SHROOM2: variants seen among roughly 807,000 people sequenced by gnomAD.
SHROOM2 encodes the protein shroom family member 2.
A neutral mutation model predicts 75.9 loss-of-function variants in SHROOM2; 33 were observed. That is an observed-to-expected ratio of 0.43 (90% confidence interval 0.33 to 0.58). The LOEUF (loss-of-function observed/expected upper bound fraction) is 0.58. Among genes scored for constraint, SHROOM2 ranks in the 20% least tolerant of loss-of-function variants. The pLI is 0.04. For synonymous variants in SHROOM2, 655 were observed against 663.6 expected, an observed-to-expected ratio of 0.99 and a Z score of 0.20; for missense variants, 1,434 against 1,461.2, an observed-to-expected ratio of 0.98 and a Z score of 0.30.
intron 1 of SHROOM2, among the ~76,000 whole-genome samples, chrX:9,851,251 C>T (rs1305772606): frequency 4.5e-5 from 5 of 110,950 alleles, no homozygotes; most frequent in Non-Finnish European, 7.6e-5. Context: ...TCAAGCAGTC[C>T]TCCTGCCTTG....
chrX:9,913,645 A>C (rs1263706335), intron 5 of SHROOM2, among the ~76,000 whole-genome samples: 1 of 112,180 alleles, frequency 8.9e-6, no homozygotes, highest in Non-Finnish European at 1.9e-5. Flanking sequence ...TTACTGACTC[A>C]CAAGAGTAGG....
intron 1 of SHROOM2, among the ~76,000 whole-genome samples, chrX:9,819,987 G>A (rs1449558631): frequency 1.8e-5 from 2 of 108,454 alleles, no homozygotes; most frequent in Non-Finnish European, 3.8e-5. Flanking sequence ...TTTTAGTAGA[G>A]ATGGGGTTTC....
At chrX:9,839,308 G>A in intron 1 of SHROOM2, among the ~76,000 whole-genome samples, 2 of 111,519 alleles carry the variant, frequency 1.8e-5, no homozygotes, top group Admixed American at 1.9e-4. Context: ...CCTCTGTGGT[G>A]TGGGTGCATT....
chrX:9,842,466 G>A (rs1394373353), intron 1 of SHROOM2, among the ~76,000 whole-genome samples: 1 of 112,165 alleles, frequency 8.9e-6, no homozygotes, highest in Non-Finnish European at 1.9e-5. Context: ...ACCTGCCCTG[G>A]TGTCCTTGGG....
chrX:9,898,342 T>TC, intron 5 of SHROOM2, 52 bp downstream of exon 5: 1 of 935,493 alleles, frequency 1.1e-6, no homozygotes, highest in Non-Finnish European at 1.5e-6. Flanking sequence ...AGGGTGGGCT[T>TC]CTGTACGATG....
At chrX:9,904,555 A>G (rs2084381510) in intron 5 of SHROOM2, among the ~76,000 whole-genome samples, 1 of 111,103 alleles carries the variant, frequency 9.0e-6, no homozygotes, top group African/African-American at 3.3e-5. Flanking sequence ...CTCTTGGGGG[A>G]GAGACTCCCG....
rs58508176 is a variant in SHROOM2 at position 9,799,157 on chromosome X, C to CTTTTTTTTTTT, written c.165+12465_165+12475dup. ...GTTTGCCTTTACGGAGAGTTTAATTCTTTTTTTTTTTTTTTTTTTTTTTTT... is the reference window on the plus strand; with the variant it reads ...GTTTGCCTTTACGGAGAGTTTAATTCTTTTTTTTTTTTTTTTTTTTTTTTTTTTTTTTTTTT... On this transcript the variant is annotated intron_variant, in intron 1 of 9. Transcript: ENST00000380913. Among the ~76,000 whole-genome samples, 12 of 61,377 alleles carry CTTTTTTTTTTT rather than the reference C, an allele frequency of 2.0e-4. 3 individuals carry two copies. The highest frequency in any genetic ancestry group is 1.1e-3 in the African/African-American group (12 of 11,338). 53.3% of individuals were successfully genotyped at this position (61,377 alleles called of 115,157 possible).
intron 1 of SHROOM2, among the ~76,000 whole-genome samples, chrX:9,868,392 C>T (rs1191158436): frequency 2.7e-5 from 3 of 109,133 alleles, no homozygotes; most frequent in African/African-American, 3.3e-5. Flanking sequence ...ATTACAGGAG[C>T]GTGCCACCAA....
intron 1 of SHROOM2, among the ~76,000 whole-genome samples, chrX:9,859,342 A>G (rs916767345): frequency 8.9e-6 from 1 of 112,727 alleles, no homozygotes. Flanking sequence ...CATCCTCTCC[A>G]GAAACATTGC....
At chrX:9,807,881 A>G (rs190239176) in intron 1 of SHROOM2, among the ~76,000 whole-genome samples, 1 of 111,207 alleles carries the variant, frequency 9.0e-6, no homozygotes, top group Admixed American at 9.6e-5. Context: ...GTCTCTTTTT[A>G]AGGTTCAATG....
chrX:9,935,203 A>T (rs1281139178), intron 6 of SHROOM2, among the ~76,000 whole-genome samples: 2 of 111,404 alleles, frequency 1.8e-5, no homozygotes, highest in Non-Finnish European at 3.8e-5. Flanking sequence ...AGTCAGTAAT[A>T]GGCAAGCAGA....
At chrX:9,936,684 G>T (rs1047234627) in intron 6 of SHROOM2, among the ~76,000 whole-genome samples, 1 of 111,678 alleles carries the variant, frequency 9.0e-6, no homozygotes, top group Non-Finnish European at 1.9e-5. Context: ...TGAGAACTAC[G>T]CAGGAACCCG....
At chrX:9,844,707 C>T (rs1467989403) in intron 1 of SHROOM2, among the ~76,000 whole-genome samples, 2 of 109,200 alleles carry the variant, frequency 1.8e-5, no homozygotes, top group Non-Finnish European at 3.8e-5. Flanking sequence ...CCCAGCTATT[C>T]GGGAGGCTGA....
chrX:9,859,780 C>T (rs911582629), intron 1 of SHROOM2, among the ~76,000 whole-genome samples: 4 of 111,491 alleles, frequency 3.6e-5, no homozygotes, highest in Non-Finnish European at 7.5e-5. Context: ...GCTTGTTTTA[C>T]ATGGTGGTGA....
chrX:9,911,639 A>C (rs947386604), intron 5 of SHROOM2, among the ~76,000 whole-genome samples: 1 of 110,935 alleles, frequency 9.0e-6, no homozygotes, highest in Non-Finnish European at 1.9e-5. Context: ...AGGGACTTTA[A>C]ATAGAGATCA....
chrX:9,858,882 C>T, intron 1 of SHROOM2, among the ~76,000 whole-genome samples: 1 of 111,405 alleles, frequency 9.0e-6, no homozygotes, highest in South Asian at 3.8e-4. Flanking sequence ...TGGAAGCCTG[C>T]TGGCGGTGCT....
intron 2 of SHROOM2, among the ~76,000 whole-genome samples, chrX:9,879,472 G>A (rs1012935783): frequency 1.8e-5 from 2 of 111,346 alleles, no homozygotes; most frequent in African/African-American, 6.5e-5. Context: ...TGTTGGCCAG[G>A]CTGGTCTTGA....
At chrX:9,882,472 G>A (rs115602948) in intron 2 of SHROOM2, among the ~76,000 whole-genome samples, 1,977 of 111,322 alleles carry the variant, frequency 0.018, 51 homozygotes, top group African/African-American at 0.061. Flanking sequence ...CAAGTGGTTT[G>A]GATACTGGGA....
At chrX:9,877,955 G>T (rs2084210285) in intron 2 of SHROOM2, among the ~76,000 whole-genome samples, 1 of 111,349 alleles carries the variant, frequency 9.0e-6, no homozygotes, top group Non-Finnish European at 1.9e-5. Flanking sequence ...GCCTGTTGCT[G>T]TCTTCTCTCT....
Sources: allele counts gnomAD v4.1 joint callset (sites outside exome capture counted in the v4.1 genomes callset), GRCh38; gene constraint gnomAD v4.1.1; transcripts MANE v1.5; gene names NCBI Gene and HGNC (gene_info 2026-07-23, HGNC 2026-07-21).